EIF3H: variants seen among roughly 807,000 people sequenced by gnomAD.
EIF3H encodes eukaryotic translation initiation factor 3 subunit H, also known as eIF-3-gamma.
A neutral mutation model predicts 44.2 loss-of-function variants in EIF3H; 26 were observed. That is an observed-to-expected ratio of 0.59 (90% confidence interval 0.43 to 0.82). The LOEUF is 0.82. EIF3H is among the 40% of genes least tolerant of loss of function. The pLI is 0.00. For synonymous variants in EIF3H, 166 were observed against 151.9 expected, an observed-to-expected ratio of 1.09 and a Z score of -0.68; for missense variants, 359 against 432.8, an observed-to-expected ratio of 0.83 and a Z score of 1.51.
At chr8:116,694,427 G>A (rs1814232691) in intron 2 of EIF3H, among the ~76,000 whole-genome samples, 1 of 152,080 alleles carries the variant, frequency 6.6e-6, no homozygotes, top group South Asian at 2.1e-4. Context: ...ACCATCTTTG[G>A]CCTGCTGTGG....
intron 2 of EIF3H, among the ~76,000 whole-genome samples, chr8:116,708,984 G>C (rs1460957098): frequency 6.7e-6 from 1 of 150,254 alleles, no homozygotes; most frequent in African/African-American, 2.5e-5. Flanking sequence ...GGTTTAGCCA[G>C]GGCCTTTCTT....
At chr8:116,709,400 G>C (rs1814533829) in intron 2 of EIF3H, among the ~76,000 whole-genome samples, 1 of 152,136 alleles carries the variant, frequency 6.6e-6, no homozygotes, top group African/African-American at 2.4e-5. Context: ...ATCTATATAA[G>C]GGTATGTTAA....
At position 116,739,966 on chromosome 8, in the gene EIF3H, T is replaced by C. The variant is rs1341795141; in HGVS notation, c.133-13794A>G. Reference sequence around the variant, plus strand: ...ACACTTTAGTAAAATACAATAAAAATTACTCACTAGAAAGATGAAAATAAA... The same window carrying C: ...ACACTTTAGTAAAATACAATAAAAACTACTCACTAGAAAGATGAAAATAAA... On this transcript the variant is annotated intron_variant, in intron 1 of 7. Coordinates refer to ENST00000521861, the MANE Select transcript of EIF3H (RefSeq NM_003756.3). 2.0e-5 allele frequency among the ~76,000 whole-genome samples: 3 copies of C among 149,936 alleles called. No individual in the cohort carries two copies. In the South Asian group the frequency reaches 6.3e-4, roughly 32 times the overall value.
intron 2 of EIF3H, among the ~76,000 whole-genome samples, chr8:116,690,526 C>G (rs1308494347): frequency 1.3e-5 from 2 of 152,156 alleles, no homozygotes; most frequent in Admixed American, 6.5e-5. Context: ...GAGACCTCAT[C>G]TCTAAATAAA....
At chr8:116,663,042 G>C (rs1046927181) in intron 2 of EIF3H, among the ~76,000 whole-genome samples, 1 of 152,144 alleles carries the variant, frequency 6.6e-6, no homozygotes, top group Non-Finnish European at 1.5e-5. Flanking sequence ...TGCATATCTG[G>C]AATTGGTTTG....
intron 2 of EIF3H, among the ~76,000 whole-genome samples, chr8:116,698,975 C>T (rs1003261321): frequency 2.0e-5 from 3 of 151,942 alleles, no homozygotes; most frequent in Admixed American, 6.6e-5. Context: ...GGCAAATCCC[C>T]GTCTCTACAA....
At chr8:116,708,643 T>C (rs1191944223) in intron 2 of EIF3H, among the ~76,000 whole-genome samples, 1 of 152,120 alleles carries the variant, frequency 6.6e-6, no homozygotes, top group Non-Finnish European at 1.5e-5. Flanking sequence ...TAGTTAAAAA[T>C]CTTTCCGAAT....
intron 2 of EIF3H, among the ~76,000 whole-genome samples, chr8:116,692,485 C>T (rs1292753688): frequency 6.6e-6 from 1 of 152,104 alleles, no homozygotes; most frequent in African/African-American, 2.4e-5. Flanking sequence ...AGCTTATTAA[C>T]TCTGAATAAA....
chr8:116,731,805 T>G (rs892836354), intron 1 of EIF3H, among the ~76,000 whole-genome samples: 10 of 152,166 alleles, frequency 6.6e-5, no homozygotes, highest in African/African-American at 2.2e-4. Context: ...ACCCTATAAA[T>G]TAGTGGGTAA....
Position 116,667,198 on chromosome 8 carries a change from T to C in EIF3H, c.290-8218A>G, listed in dbSNP as rs147217861. 1.1e-4 allele frequency among the ~76,000 whole-genome samples: 16 copies of C among 152,260 alleles called. No homozygotes were observed. In the East Asian group the frequency reaches 3.1e-3, roughly 29 times the overall value. ...CCAAATCAAAGCAAAAAGGAAAACATGGTCATTCATATCCAAAGGGAGACA... is the reference window on the plus strand; with the variant it reads ...CCAAATCAAAGCAAAAAGGAAAACACGGTCATTCATATCCAAAGGGAGACA... On this transcript the variant is annotated intron_variant, in intron 2 of 7. Transcript: ENST00000521861.
intron 1 of EIF3H, among the ~76,000 whole-genome samples, chr8:116,754,815 A>C (rs567612551): frequency 6.6e-6 from 1 of 152,276 alleles, no homozygotes; most frequent in South Asian, 2.1e-4. Context: ...TTTCCACTTA[A>C]AAATACCTGC....
intron 2 of EIF3H, among the ~76,000 whole-genome samples, chr8:116,686,495 A>G (rs367903947): frequency 1.3e-5 from 2 of 152,172 alleles, no homozygotes; most frequent in African/African-American, 2.4e-5. Flanking sequence ...AGTCAGTCCC[A>G]ACTCCAGTTC....
intron 1 of EIF3H, among the ~76,000 whole-genome samples, chr8:116,764,464 C>CA (rs1245207027): frequency 6.6e-6 from 1 of 151,994 alleles, no homozygotes; most frequent in Non-Finnish European, 1.5e-5. Context: ...TGCTTTATTA[C>CA]AAAAAAGGTC....
chr8:116,758,408 T>C (rs1291804975), upstream of EIF3H, among the ~76,000 whole-genome samples: 2 of 152,204 alleles, frequency 1.3e-5, no homozygotes, highest in African/African-American at 4.8e-5. Flanking sequence ...TCCATAATTA[T>C]AGTTGGAGAT....
At chr8:116,746,402 T>C (rs1274967579) in intron 1 of EIF3H, among the ~76,000 whole-genome samples, 2 of 152,196 alleles carry the variant, frequency 1.3e-5, no homozygotes, top group Non-Finnish European at 2.9e-5. Context: ...GGTTCCTATA[T>C]CAAAGAGTTG....
At chr8:116,679,077 AG>A (rs1440911032) in intron 2 of EIF3H, among the ~76,000 whole-genome samples, 1 of 51,782 alleles carries the variant, frequency 1.9e-5, no homozygotes, top group African/African-American at 5.5e-5. Context: ...GGAAGTGAGG[AG>A]TCCCTCTGCC....
chr8:116,657,142 T>G, intron 4 of EIF3H, 73 bp downstream of exon 4: 1 of 1,290,612 alleles, frequency 7.7e-7, no homozygotes, highest in Non-Finnish European at 1.1e-6. Flanking sequence ...AACCAAGGAT[T>G]CAAGAGATGT....
intron 2 of EIF3H, among the ~76,000 whole-genome samples, chr8:116,719,669 T>C (rs1814711676): frequency 6.6e-6 from 1 of 151,998 alleles, no homozygotes. Context: ...GAGAGATCAA[T>C]GCAAATATTT....
chr8:116,672,010 A>G (rs1187398297), intron 2 of EIF3H, among the ~76,000 whole-genome samples: 2 of 152,234 alleles, frequency 1.3e-5, no homozygotes, highest in Non-Finnish European at 1.5e-5. Flanking sequence ...AAAATAACCT[A>G]ATTTTTAATT....
Sources: gnomAD v4.1 joint callset for allele counts (sites outside exome capture counted in the v4.1 genomes callset) on GRCh38, gnomAD v4.1.1 for gene constraint, MANE v1.5 for transcripts, NCBI Gene and HGNC (gene_info 2026-07-23, HGNC 2026-07-21) for gene names.